Variants in SLC22A24 observed in about 807,000 individuals in gnomAD.
SLC22A24 encodes the protein solute carrier family 22 member 24.
A neutral mutation model predicts 49.8 loss-of-function variants in SLC22A24; 53 were observed. The ratio of observed to expected loss-of-function variants is 1.06; its 90% confidence interval spans 0.85 to 1.34. The LOEUF is 1.34. SLC22A24 is among the 40% of genes most tolerant of loss of function. The pLI, the probability that SLC22A24 is intolerant of heterozygous loss-of-function variation, is 0.00. For synonymous variants in SLC22A24, 302 were observed against 256.4 expected (o/e 1.18, Z -1.70); for missense variants, 786 against 675.9 (o/e 1.16, Z -1.81).
chr11:63,129,924 G>C (rs1359984689), intron 2 of SLC22A24, among the ~76,000 whole-genome samples: 1 of 152,210 alleles, frequency 6.6e-6, no homozygotes, highest in African/African-American at 2.4e-5. Flanking sequence ...TCTGCAAACA[G>C]AGACAATTTG....
At chr11:63,126,005 G>A (rs180887002) in intron 2 of SLC22A24, among the ~76,000 whole-genome samples, 12 of 152,188 alleles carry the variant, frequency 7.9e-5, no homozygotes, top group South Asian at 2.1e-4. Flanking sequence ...TGATGGGGTC[G>A]TTTGTTTTTT....
intron 5 of SLC22A24, among the ~76,000 whole-genome samples, chr11:63,100,638 A>G (rs1213708607): frequency 3.3e-5 from 5 of 152,156 alleles, no homozygotes; most frequent in Non-Finnish European, 7.4e-5. Context: ...TGGAGGAATC[A>G]TGTTACCTGG....
rs2135189791 is a variant in SLC22A24 at position 63,081,637 on chromosome 11, T to C, written c.1315A>G (p.Thr439Ala). Residue 439 changes from threonine to alanine, a missense_variant, in exon 8 of 10, where the codon ACT becomes GCT. Thr to Ala is a moderately conservative substitution (Grantham distance 58). Transcript: ENST00000612278. ...EMQILRVVLA[T>A]LGIGSVSAAS... ...GCAGAAACACTACCAATTCCCAAAG[T>C]TGCTAAAACCACACGCAGGATCTGC... The C allele has an allele frequency of 1.3e-6, 2 of 1,551,528 alleles. No individual in the cohort carries two copies. The highest frequency in any genetic ancestry group is 2.4e-5 in the South Asian group (2 of 84,058).
At position 63,116,030 on chromosome 11, in the gene SLC22A24, C is replaced by T. The variant is rs964327840; in HGVS notation, c.830+2882G>A. 3.3e-5 allele frequency: 11 copies of T among 333,224 alleles called. No homozygotes were observed. The Middle Eastern group carries it at 4.0e-3, about 121-fold the overall frequency. The allele number at this position is 333,224 out of a possible 1,614,324, so 20.6% of individuals were successfully genotyped here. On this transcript the variant is annotated intron_variant, in intron 4 of 9. Coordinates refer to ENST00000612278, the MANE Select transcript of SLC22A24 (RefSeq NM_001136506.2). ...CATGGGCAAGAGCCTACTTCCCAAGCTTGAGGTGGGCAATGTAGGCAAGTC... is the reference window on the plus strand; with the variant it reads ...CATGGGCAAGAGCCTACTTCCCAAGTTTGAGGTGGGCAATGTAGGCAAGTC...
intron 1 of SLC22A24, among the ~76,000 whole-genome samples, chr11:63,136,699 C>CT (rs1305995803): frequency 6.6e-6 from 1 of 152,214 alleles, no homozygotes; most frequent in Admixed American, 6.5e-5. Context: ...GTGTCTCACC[C>CT]TTGGGTGGTT....
In SLC22A24 at chr11:63,125,124, CA is replaced by C. The variant is rs200877955; in HGVS notation, c.507-5790del. ...ATAATAATACAAAAATAAAAAAAAACAAAAAAACATTTCATTGAAGTTTATT... is the reference window on the plus strand; with the variant it reads ...ATAATAATACAAAAATAAAAAAAAACAAAAAACATTTCATTGAAGTTTATT... On this transcript the variant is annotated intron_variant, in intron 2 of 9. Transcript: ENST00000612278. 1.2e-3 allele frequency among the ~76,000 whole-genome samples: 168 copies of C among 143,140 alleles called. 1 individual carries two copies. Among genetic ancestry groups the C allele is most frequent in the African/African-American group, 4.1e-3 (161 of 39,218 alleles). The allele number at this position is 143,140 out of a possible 152,430, so 93.9% of individuals were successfully genotyped here.
intron 6 of SLC22A24, among the ~76,000 whole-genome samples, chr11:63,085,352 T>TAC (rs2086981384): frequency 6.6e-6 from 1 of 152,150 alleles, no homozygotes; most frequent in African/African-American, 2.4e-5. Flanking sequence ...AGGCCTCCAT[T>TAC]ATCTTGGTCT....
rs1026702657 is a variant in SLC22A24 at position 63,110,251 on chromosome 11, T to C, written c.831-5953A>G. On this transcript the variant is annotated intron_variant, in intron 4 of 9. Transcript: ENST00000612278. ...TACCATGCTGTTTTGGTTACTGTAG[T>C]CTTGTAGTATAGTTTGAAGTCAGGT... Among the ~76,000 whole-genome samples the C allele has an allele frequency of 1.1e-3, 170 of 152,018 alleles. 1 individual carries two copies. Among genetic ancestry groups the C allele is most frequent in the African/African-American group, 3.9e-3 (161 of 41,482 alleles).
chr11:63,142,475 G>A (rs1002413797), intron 1 of SLC22A24, among the ~76,000 whole-genome samples: 6 of 152,208 alleles, frequency 3.9e-5, no homozygotes, highest in Non-Finnish European at 7.3e-5. Context: ...AACTTTGGGA[G>A]AAACTTAGTT....
intron 4 of SLC22A24, among the ~76,000 whole-genome samples, chr11:63,110,046 A>T (rs1161497168): frequency 2.0e-5 from 3 of 152,122 alleles, no homozygotes; most frequent in Non-Finnish European, 2.9e-5. Context: ...GTAGGGATCC[A>T]GTTTCAGCTT....
At position 63,122,922 on chromosome 11, in the gene SLC22A24, G is replaced by A. The variant is rs565538707; in HGVS notation, c.507-3587C>T. On this transcript the variant is annotated intron_variant, in intron 2 of 9. Coordinates refer to ENST00000612278, the MANE Select transcript of SLC22A24 (RefSeq NM_001136506.2). ...TACAGTAATCAGAATGGGGTGATTA[G>A]CATACCTATCTTCTCAAAACACCTA... is the stretch of plus-strand genomic sequence containing the variant. 7.2e-5 allele frequency among the ~76,000 whole-genome samples: 11 copies of A among 152,256 alleles called. 1 individual carries two copies. In the East Asian group the frequency reaches 2.1e-3, roughly 29 times the overall value.
At chr11:63,123,719 G>A (rs560691346) in intron 2 of SLC22A24, among the ~76,000 whole-genome samples, 240 of 152,168 alleles carry the variant, frequency 1.6e-3, no homozygotes, top group Middle Eastern at 3.4e-3. Context: ...TCTCTTCCTA[G>A]CAGTCCCCCA....
At position 63,096,225 on chromosome 11, in the gene SLC22A24, C is replaced by T. The variant is rs746731308; in HGVS notation, c.955-119G>A. 258 of 639,352 alleles carry T rather than the reference C, an allele frequency of 4.0e-4. 1 individual carries two copies. The Middle Eastern group carries it at 5.2e-3, about 13-fold the overall frequency. 39.6% of individuals were successfully genotyped at this position (639,352 alleles called of 1,614,324 possible). On this transcript the variant is annotated intron_variant, in intron 5 of 9. Transcript: ENST00000612278. Reference sequence around the variant, plus strand: ...AAACTATCCTCAAGGAAATTTCTGTCTAGTGGGGAATATGAGCATTAAATA... The same window carrying T: ...AAACTATCCTCAAGGAAATTTCTGTTTAGTGGGGAATATGAGCATTAAATA...
At chr11:63,097,166 A>G (rs568590185) in intron 5 of SLC22A24, among the ~76,000 whole-genome samples, 1 of 152,002 alleles carries the variant, frequency 6.6e-6, no homozygotes, top group Admixed American at 6.6e-5. Context: ...TTTGCAATCT[A>G]TCATCTATCC....
intron 4 of SLC22A24, among the ~76,000 whole-genome samples, chr11:63,113,225 T>TAC (rs1435216742): frequency 5.6e-5 from 1 of 18,000 alleles, no homozygotes; most frequent in African/African-American, 1.0e-4. Flanking sequence ...CATATATATA[T>TAC]ATACATATAT....
rs1195655705 is a variant in SLC22A24, at chr11:63,143,370, C to T, written c.402+8G>A. 6 of 1,433,138 alleles carry T rather than the reference C, an allele frequency of 4.2e-6. No homozygotes were observed. The highest frequency in any genetic ancestry group is 5.5e-6 in the Non-Finnish European group (6 of 1,090,674). 88.8% of individuals were successfully genotyped at this position (1,433,138 alleles called of 1,614,324 possible). On this transcript the variant is annotated splice_region_variant and intron_variant, in intron 1 of 9. Coordinates refer to ENST00000612278, the MANE Select transcript of SLC22A24 (RefSeq NM_001136506.2). ...ATATAAACAGAAGATTTACATGGGG[C>T]CTCTTACCTCAGTCACGATGGTGGA... is the stretch of plus-strand genomic sequence containing the variant.
At chr11:63,133,350 C>T (rs1180075674) in intron 2 of SLC22A24, among the ~76,000 whole-genome samples, 1 of 152,176 alleles carries the variant, frequency 6.6e-6, no homozygotes, top group Non-Finnish European at 1.5e-5. Flanking sequence ...ATGAGATGAA[C>T]CAGGTACCTC....
intron 4 of SLC22A24, among the ~76,000 whole-genome samples, chr11:63,114,333 C>A (rs4375443): frequency 0.04 from 6,138 of 152,184 alleles, 175 homozygotes; most frequent in Non-Finnish European, 0.066. Flanking sequence ...ATCACTGATA[C>A]CCTTTCTTCC....
intron 2 of SLC22A24, among the ~76,000 whole-genome samples, chr11:63,120,806 T>C (rs1009901511): frequency 1.3e-5 from 2 of 152,174 alleles, no homozygotes; most frequent in Non-Finnish European, 2.9e-5. Flanking sequence ...TTTCTGAATG[T>C]TTATATAGAA....
Sources: gnomAD v4.1 joint callset for allele counts (sites outside exome capture counted in the v4.1 genomes callset) on GRCh38, gnomAD v4.1.1 for gene constraint, MANE v1.5 for transcripts, NCBI Gene and HGNC (gene_info 2026-07-23, HGNC 2026-07-21) for gene names.